PIEZO2: variants seen among roughly 807,000 people sequenced by gnomAD.
PIEZO2 encodes the protein piezo-type mechanosensitive ion channel component 2.
A neutral mutation model predicts 337.3 loss-of-function variants in PIEZO2; 172 were observed. That is an observed-to-expected ratio of 0.51 (90% CI 0.45 to 0.58). The LOEUF is 0.58. Among genes scored for constraint, PIEZO2 ranks in the 20% least tolerant of loss-of-function variants. PIEZO2 has a pLI of 0.00. For missense variants in PIEZO2, 3,028 were observed against 3,391.3 expected (o/e 0.89, Z 2.66); for synonymous variants, 1,251 against 1,228.5 (o/e 1.02, Z -0.38).
rs1048954771 is a variant in PIEZO2, at chr18:10,929,431, T to A, written c.287-18203A>T. On this transcript the variant is annotated intron_variant, in intron 3 of 55. Coordinates refer to ENST00000674853, the MANE Select transcript of PIEZO2 (RefSeq NM_001378183.1). This position sits in a 1 kb window ranked among gnomAD's most constrained non-coding sequence, Gnocchi z 5.6. ...GATCAGATTCAGACATGTTTTCCCA[T>A]ATCTTTAAGTAAGATTGGAATGTTT... Among the ~76,000 whole-genome samples the A allele has an allele frequency of 3.3e-5, 5 of 152,234 alleles. No individual in the cohort carries two copies. Among genetic ancestry groups the A allele is most frequent in the African/African-American group, 9.6e-5 (4 of 41,462 alleles).
At position 11,038,376 on chromosome 18, in the gene PIEZO2, T is replaced by C. The variant is rs1484604428; in HGVS notation, c.160+27751A>G. On this transcript the variant is annotated intron_variant, in intron 2 of 55. Transcript: ENST00000674853. This position sits in a 1 kb window ranked among gnomAD's most constrained non-coding sequence, Gnocchi z 4.1. ...TCCTTAATTTTTAACTCAAACTTAC[T>C]CAATGACAGGAAATTAAAAGGTAAC... 6.6e-6 allele frequency among the ~76,000 whole-genome samples: 1 copy of C among 152,178 alleles called. No individual in the cohort carries two copies. Among genetic ancestry groups the C allele is most frequent in the Non-Finnish European group, 1.5e-5 (1 of 68,022 alleles).
At chr18:10,925,986 C>G (rs1357772381) in intron 3 of PIEZO2, among the ~76,000 whole-genome samples, 1 of 152,228 alleles carries the variant, frequency 6.6e-6, no homozygotes, top group Non-Finnish European at 1.5e-5. Flanking sequence ...TAGCTACACT[C>G]CCTCCAACTG....
intron 4 of PIEZO2, among the ~76,000 whole-genome samples, chr18:10,875,814 T>A (rs2042254480): frequency 6.6e-6 from 1 of 152,164 alleles, no homozygotes. Context: ...TGCTTCTTGG[T>A]CCCAAAAGAG....
At position 11,027,654 on chromosome 18, in the gene PIEZO2, C is replaced by T. The variant is rs564616652; in HGVS notation, c.160+38473G>A. On this transcript the variant is annotated intron_variant, in intron 2 of 55. Coordinates refer to ENST00000674853, the MANE Select transcript of PIEZO2 (RefSeq NM_001378183.1). The surrounding 1 kb of genome is among the most constrained non-coding windows in gnomAD (Gnocchi z 4.2). ...CTGGGTTGATGAACAAATGGGAGTTCGGTGGGGTTTAAGTTCCATTTGGGG... is the reference window on the plus strand; with the variant it reads ...CTGGGTTGATGAACAAATGGGAGTTTGGTGGGGTTTAAGTTCCATTTGGGG... Among the ~76,000 whole-genome samples, 18 of 152,148 alleles carry T rather than the reference C, an allele frequency of 1.2e-4. No homozygotes were observed. The South Asian group carries it at 3.1e-3, about 26-fold the overall frequency.
Position 10,763,119 on chromosome 18 carries a change from A to T in PIEZO2, c.2947-21T>A, listed in dbSNP as rs555354485. 2.9e-5 allele frequency: 45 copies of T among 1,533,842 alleles called. No homozygotes were observed. In the South Asian group the frequency reaches 5.1e-4, roughly 17 times the overall value. On this transcript the variant is annotated intron_variant, in intron 21 of 55. Transcript: ENST00000674853. Reference sequence around the variant, plus strand: ...GACACCTGAAAACGTAAAACCAGAAATGGGGACAAAAATACGTAACACGGC... The same window carrying T: ...GACACCTGAAAACGTAAAACCAGAATTGGGGACAAAAATACGTAACACGGC...
At chr18:10,718,776 T>C (rs1289670247) in intron 36 of PIEZO2, among the ~76,000 whole-genome samples, 3 of 151,268 alleles carry the variant, frequency 2.0e-5, no homozygotes, top group East Asian at 1.9e-4. Context: ...CTTTGGGAGG[T>C]TGAGGAGAGA....
chr18:10,762,987 CG>C lies in PIEZO2; in HGVS notation c.3057del (p.Ile1019MetfsTer36). ...SVCTVWTCVIIVCKMLYQLQT... is the reference protein window; with the variant it reads ...SVCTVWTCVIXVCKMLYQLQT... ...TGGAGCTGGTACAACATTTTGCAGACGATGATCACACACGTCCAGACTGTGC... is the reference window on the plus strand; with the variant it reads ...TGGAGCTGGTACAACATTTTGCAGACATGATCACACACGTCCAGACTGTGC... On this transcript the variant is annotated frameshift_variant, in exon 22 of 56. Transcript: ENST00000674853. LOFTEE classifies it high-confidence loss of function. 6.5e-7 allele frequency: 1 copy of C among 1,537,302 alleles called. No individual in the cohort carries two copies.
Position 10,870,643 on chromosome 18 carries a change from A to C in PIEZO2, c.492+610T>G, listed in dbSNP as rs1359211418. ...AAGGACGAAAATAGGACAAGCTTCCAATTCAGCAGTTGCTCCTGAAACCTT... is the reference window on the plus strand; with the variant it reads ...AAGGACGAAAATAGGACAAGCTTCCCATTCAGCAGTTGCTCCTGAAACCTT... On this transcript the variant is annotated intron_variant, in intron 5 of 55. Transcript: ENST00000674853. This position sits in a 1 kb window ranked among gnomAD's most constrained non-coding sequence, Gnocchi z 5.3. 6.6e-6 allele frequency among the ~76,000 whole-genome samples: 1 copy of C among 151,830 alleles called. No homozygotes were observed. Among genetic ancestry groups the C allele is most frequent in the Non-Finnish European group, 1.5e-5 (1 of 67,768 alleles).
intron 1 of PIEZO2, among the ~76,000 whole-genome samples, chr18:11,123,858 A>G (rs1200729116): frequency 3.3e-5 from 5 of 152,140 alleles, no homozygotes; most frequent in Non-Finnish European, 7.3e-5. Flanking sequence ...TACATTGCAG[A>G]GAGCTGCAGT....
At chr18:10,689,548 G>A in intron 49 of PIEZO2, 107 bp downstream of exon 49, 1 of 1,467,656 alleles carries the variant, frequency 6.8e-7, no homozygotes, top group South Asian at 1.2e-5. Context: ...GGTTGTGGTA[G>A]TTTTTGCCTC....
Position 10,681,546 on chromosome 18 carries a change from C to A in PIEZO2, c.7779+115G>T, listed in dbSNP as rs2034264870. The A allele has an allele frequency of 3.8e-6, 3 of 792,444 alleles. No individual in the cohort carries two copies. In the Admixed American group the frequency reaches 6.6e-5, roughly 18 times the overall value. The allele number at this position is 792,444 out of a possible 1,614,324, so 49.1% of individuals were successfully genotyped here. On this transcript the variant is annotated intron_variant, in intron 51 of 55. Coordinates refer to ENST00000674853, the MANE Select transcript of PIEZO2 (RefSeq NM_001378183.1). ...GAATGTGCTCTATGTAACTGATAAA[C>A]CCTGAAAAGTCCTCCTTCCCACCAC...
Position 10,945,096 on chromosome 18 carries a change from C to T in PIEZO2, c.287-33868G>A, listed in dbSNP as rs1036845803. ...AGATTGCAGCACAGAAGAAGGGCCCCGGAGATCTGTGAATTCAGCCAAGTA... is the reference window on the plus strand; with the variant it reads ...AGATTGCAGCACAGAAGAAGGGCCCTGGAGATCTGTGAATTCAGCCAAGTA... On this transcript the variant is annotated intron_variant, in intron 3 of 55. Coordinates refer to ENST00000674853, the MANE Select transcript of PIEZO2 (RefSeq NM_001378183.1). This position sits in a 1 kb window ranked among gnomAD's most constrained non-coding sequence, Gnocchi z 4.0. Among the ~76,000 whole-genome samples the T allele has an allele frequency of 6.6e-6, 1 of 152,028 alleles. No individual in the cohort carries two copies.
chr18:11,043,235 C>T (rs1174942590), intron 2 of PIEZO2, among the ~76,000 whole-genome samples: 3 of 103,820 alleles, frequency 2.9e-5, no homozygotes, highest in African/African-American at 7.8e-5. Flanking sequence ...TATCTCCTCC[C>T]TTTAAACGCA....
Position 11,149,524 on chromosome 18 carries a change from G to A in PIEZO2, c.-936C>T, listed in dbSNP as rs1032101848. On this transcript the variant is annotated 5_prime_UTR_variant, in exon 1 of 56. Coordinates refer to ENST00000674853, the MANE Select transcript of PIEZO2 (RefSeq NM_001378183.1). This position sits in a 1 kb window ranked among gnomAD's most constrained non-coding sequence, Gnocchi z 8.7. ...TGCCGCCTTGCAGCCTCGCCCTCGC[G>A]GCGCAGCCGGGGCTCCCCGGCGGCG... is the stretch of plus-strand genomic sequence containing the variant. 6.6e-6 allele frequency among the ~76,000 whole-genome samples: 1 copy of A among 151,504 alleles called. No individual in the cohort carries two copies. The highest frequency in any genetic ancestry group is 6.6e-5 in the Admixed American group (1 of 15,262).
chr18:10,750,334 C>T lies in PIEZO2; in HGVS notation c.4168-147G>A, dbSNP rs1568015671. ...CAATTGTACCTAAAAATTCAGTCAC[C>T]TTGTGGTAGTGCTTCAGGAGCAATG... On this transcript the variant is annotated intron_variant, in intron 28 of 55. Coordinates refer to ENST00000674853, the MANE Select transcript of PIEZO2 (RefSeq NM_001378183.1). The surrounding 1 kb of genome is among the most constrained non-coding windows in gnomAD (Gnocchi z 4.1). 14 of 619,512 alleles carry T rather than the reference C, an allele frequency of 2.3e-5. No homozygotes were observed. Among genetic ancestry groups the T allele is most frequent in the Admixed American group, 5.4e-5 (2 of 36,908 alleles). 38.4% of individuals were successfully genotyped at this position (619,512 alleles called of 1,614,324 possible).
In PIEZO2 at chr18:10,856,954, A is replaced by C; in HGVS notation, c.703+47T>G. ...AACCATTTCTCTCATTCACCAAAGC[A>C]CTGCTTGTGCCTTTTGCTACGTGCA... On this transcript the variant is annotated intron_variant, in intron 6 of 55. Coordinates refer to ENST00000674853, the MANE Select transcript of PIEZO2 (RefSeq NM_001378183.1). This position sits in a 1 kb window ranked among gnomAD's most constrained non-coding sequence, Gnocchi z 4.7. 1.4e-6 allele frequency: 2 copies of C among 1,478,866 alleles called. No homozygotes were observed. 91.6% of individuals were successfully genotyped at this position (1,478,866 alleles called of 1,614,324 possible). A position where few individuals can be genotyped will look rare whatever the true frequency, so the allele number is the denominator to read the frequency against.
At chr18:10,879,727 TG>T (rs2042364342) in intron 4 of PIEZO2, among the ~76,000 whole-genome samples, 1 of 152,154 alleles carries the variant, frequency 6.6e-6, no homozygotes, top group Admixed American at 6.6e-5. Flanking sequence ...TGATCTTACT[TG>T]TTCAGACAGT....
chr18:10,826,734 C>T (rs1372887035), intron 7 of PIEZO2, among the ~76,000 whole-genome samples: 1 of 152,196 alleles, frequency 6.6e-6, no homozygotes, highest in Non-Finnish European at 1.5e-5. Context: ...GACATTAAGG[C>T]ATACTCTTTA....
intron 7 of PIEZO2, among the ~76,000 whole-genome samples, chr18:10,822,966 T>C (rs1244765575): frequency 1.3e-5 from 2 of 152,254 alleles, no homozygotes; most frequent in Non-Finnish European, 2.9e-5. Context: ...TTAGACATTA[T>C]ACAGGCTGCT....
Sources: gnomAD v4.1 joint callset for allele counts (sites outside exome capture counted in the v4.1 genomes callset) on GRCh38, gnomAD v4.1.1 for gene constraint, Gnocchi (gnomAD v3.1) non-coding constraint, MANE v1.5 for transcripts, NCBI Gene and HGNC (gene_info 2026-07-23, HGNC 2026-07-21) for gene names.